PHACTR1: variants seen among roughly 807,000 people sequenced by gnomAD.
PHACTR1 encodes the protein phosphatase and actin regulator 1.
A neutral mutation model predicts 69.2 loss-of-function variants in PHACTR1; 16 were observed. That is an observed-to-expected ratio of 0.23 (90% CI 0.16 to 0.35). The LOEUF is 0.35. Among genes scored for constraint, PHACTR1 ranks in the 10% least tolerant of loss-of-function variants. The probability of loss-of-function intolerance (pLI) is 1.00; values close to 1 mark genes in which losing one functional copy is unlikely to be tolerated. For missense variants in PHACTR1, 510 were observed against 734.7 expected (o/e 0.69, Z 3.54); for synonymous variants, 312 against 284.5 (o/e 1.10, Z -0.97).
At chr6:12,744,651 T>C (rs1027921346) in intron 3 of PHACTR1, among the ~76,000 whole-genome samples, 11 of 152,004 alleles carry the variant, frequency 7.2e-5, no homozygotes, top group African/African-American at 2.4e-4. Flanking sequence ...GGCAAATCCA[T>C]AGAGTAAAGT....
intron 5 of PHACTR1, among the ~76,000 whole-genome samples, chr6:13,146,814 G>T (rs1236790385): frequency 6.6e-6 from 1 of 152,162 alleles, no homozygotes; most frequent in African/African-American, 2.4e-5. Context: ...CACTTCACTA[G>T]CTCTGAATCA....
intron 5 of PHACTR1, among the ~76,000 whole-genome samples, chr6:13,095,496 C>G (rs1236828285): frequency 6.6e-6 from 1 of 151,924 alleles, no homozygotes; most frequent in Non-Finnish European, 1.5e-5. Context: ...TTGATTCATT[C>G]TAGGTTTGAT....
chr6:13,231,227 GGAAAGAGA>G lies in PHACTR1; in HGVS notation c.1391+1041_1391+1048del, dbSNP rs200716708. Among the ~76,000 whole-genome samples, 264 of 135,992 alleles carry G rather than the reference GGAAAGAGA, an allele frequency of 1.9e-3. 5 individuals are homozygous for G. Among genetic ancestry groups the G allele is most frequent in the African/African-American group, 7.4e-3 (257 of 34,936 alleles). The allele number at this position is 135,992 out of a possible 152,430, so 89.2% of individuals were successfully genotyped here. On this transcript the variant is annotated intron_variant, in intron 10 of 14. Transcript: ENST00000332995. The stretch of plus-strand genomic sequence containing the variant: ...GAAGGAAGGAAGGGAAAAGAAAGAA[GGAAAGAGA>G]GAAAGAAAGAAGGAAAGAGAAAGAA...
intron 10 of PHACTR1, among the ~76,000 whole-genome samples, chr6:13,251,531 G>A (rs1288030015): frequency 6.6e-6 from 1 of 152,140 alleles, no homozygotes; most frequent in Non-Finnish European, 1.5e-5. Context: ...GGGTGGGGAT[G>A]TATTCATGGT....
intron 10 of PHACTR1, among the ~76,000 whole-genome samples, chr6:13,271,350 G>A (rs557050232): frequency 1.3e-5 from 2 of 152,278 alleles, no homozygotes; most frequent in Non-Finnish European, 2.9e-5. Context: ...GATTTGGGCA[G>A]CGACAAATAT....
At chr6:13,228,349 G>A (rs1250172988) in intron 9 of PHACTR1, among the ~76,000 whole-genome samples, 1 of 152,038 alleles carries the variant, frequency 6.6e-6, no homozygotes, top group Non-Finnish European at 1.5e-5. Flanking sequence ...CTTCTCTTAG[G>A]ATGCAACTTC....
chr6:13,061,688 T>C (rs1298523353), intron 5 of PHACTR1, among the ~76,000 whole-genome samples: 3 of 152,194 alleles, frequency 2.0e-5, no homozygotes, highest in African/African-American at 7.2e-5. Context: ...CTATATATCT[T>C]ATTTGCTGAG....
chr6:13,271,694 G>C (rs1419169204), intron 10 of PHACTR1, among the ~76,000 whole-genome samples: 1 of 150,340 alleles, frequency 6.7e-6, no homozygotes, highest in Non-Finnish European at 1.5e-5. Flanking sequence ...ATTGTTTTTT[G>C]TTTGTTTTTT....
intron 4 of PHACTR1, among the ~76,000 whole-genome samples, chr6:12,784,577 TATAC>T (rs1771288131): frequency 6.6e-6 from 1 of 151,924 alleles, no homozygotes; most frequent in Non-Finnish European, 1.5e-5. Flanking sequence ...ATACATGATA[TATAC>T]ATACACACTT....
chr6:12,982,041 T>C (rs546191664), intron 4 of PHACTR1, among the ~76,000 whole-genome samples: 1 of 152,340 alleles, frequency 6.6e-6, no homozygotes, highest in East Asian at 1.9e-4. Context: ...CAAATCCCAA[T>C]GAGCCTCTTT....
In PHACTR1 at chr6:12,946,527, G is replaced by A. The variant is rs952821634; in HGVS notation, c.251-106838G>A. 4.6e-5 allele frequency among the ~76,000 whole-genome samples: 7 copies of A among 152,104 alleles called. No homozygotes were observed. In the South Asian group the frequency reaches 6.2e-4, roughly 14 times the overall value. On this transcript the variant is annotated intron_variant, in intron 4 of 14. Coordinates refer to ENST00000332995, the MANE Select transcript of PHACTR1 (RefSeq NM_030948.6). ...GGAAAATTGCAAGTGGTGTAGAAGA[G>A]AAGGCTCTAGAAAAATAGATTAAAA...
At chr6:13,026,351 C>G (rs1317241751) in intron 4 of PHACTR1, among the ~76,000 whole-genome samples, 4 of 152,172 alleles carry the variant, frequency 2.6e-5, no homozygotes, top group African/African-American at 9.7e-5. Flanking sequence ...TGGGCTCGGA[C>G]AGGTCATTCA....
intron 3 of PHACTR1, among the ~76,000 whole-genome samples, chr6:12,738,197 T>C (rs939511248): frequency 6.6e-6 from 1 of 152,372 alleles, no homozygotes; most frequent in Admixed American, 6.5e-5. Context: ...CCTTTCCCTT[T>C]AATTTTGTCT....
At chr6:13,013,877 C>T (rs1262793361) in intron 4 of PHACTR1, among the ~76,000 whole-genome samples, 2 of 148,298 alleles carry the variant, frequency 1.3e-5, no homozygotes, top group African/African-American at 4.9e-5. Flanking sequence ...CCCGGGCGCC[C>T]GGGGGCCGGA....
chr6:13,213,790 C>T (rs918031449), intron 8 of PHACTR1, among the ~76,000 whole-genome samples: 5 of 152,184 alleles, frequency 3.3e-5, no homozygotes, highest in Admixed American at 2.6e-4. Context: ...AACCTGCCAG[C>T]GCCTTGATCT....
chr6:12,951,291 C>A (rs1052449946), intron 4 of PHACTR1, among the ~76,000 whole-genome samples: 16 of 152,170 alleles, frequency 1.1e-4, no homozygotes, highest in African/African-American at 3.9e-4. Context: ...TCTTGTTTAT[C>A]GTATTGCAGA....
chr6:13,217,910 C>T (rs758255057), intron 8 of PHACTR1, among the ~76,000 whole-genome samples: 1 of 152,210 alleles, frequency 6.6e-6, no homozygotes, highest in Non-Finnish European at 1.5e-5. Context: ...TTTTTGGTCT[C>T]CAAGAGGAAA....
At chr6:12,765,794 A>G (rs1298508091) in intron 4 of PHACTR1, among the ~76,000 whole-genome samples, 2 of 152,218 alleles carry the variant, frequency 1.3e-5, no homozygotes, top group Admixed American at 1.3e-4. Flanking sequence ...TATGGTTGCA[A>G]TATCACTTGC....
At chr6:12,887,374 T>C (rs149357922) in intron 4 of PHACTR1, among the ~76,000 whole-genome samples, 92 of 152,354 alleles carry the variant, frequency 6.0e-4, no homozygotes, top group African/African-American at 2.1e-3. Flanking sequence ...TGAGTCCTTA[T>C]AGGCATGGAA....
Sources: allele counts gnomAD v4.1 joint callset (sites outside exome capture counted in the v4.1 genomes callset), GRCh38; gene constraint gnomAD v4.1.1; transcripts MANE v1.5; gene names NCBI Gene and HGNC (gene_info 2026-07-23, HGNC 2026-07-21).